The following CNTN5 variants were observed in gnomAD, a reference collection of about 807,000 sequenced individuals.
CNTN5 encodes contactin-5.
Under a neutral mutation model 129.1 loss-of-function variants are expected in CNTN5, and 77 were observed. That is an observed-to-expected ratio of 0.60 (90% confidence interval 0.50 to 0.72). The LOEUF (loss-of-function observed/expected upper bound fraction) is 0.72. Ranked by LOEUF, CNTN5 falls within the 30% of genes least tolerant of loss-of-function variation. The probability of loss-of-function intolerance (pLI) is 0.00; values close to 1 mark genes in which losing one functional copy is unlikely to be tolerated. For synonymous variants in CNTN5, 509 were observed against 465.6 expected, an observed-to-expected ratio of 1.09 and a Z score of -1.20; for missense variants, 1,478 against 1,328.8, an observed-to-expected ratio of 1.11 and a Z score of -1.75.
At chr11:99,064,218 C>G (rs1346653978) in intron 1 of CNTN5, among the ~76,000 whole-genome samples, 1 of 152,168 alleles carries the variant, frequency 6.6e-6, no homozygotes, top group Non-Finnish European at 1.5e-5. Context: ...TTTCACTCTT[C>G]TGTCAATATG....
intron 2 of CNTN5, among the ~76,000 whole-genome samples, chr11:99,483,388 A>C (rs1945681732): frequency 6.6e-6 from 1 of 151,938 alleles, no homozygotes; most frequent in South Asian, 2.1e-4. Flanking sequence ...TGTTTACTGG[A>C]GTTGTGCGCA....
At chr11:99,022,769 AATG>A (rs1367715320) in intron 1 of CNTN5, among the ~76,000 whole-genome samples, 2 of 152,172 alleles carry the variant, frequency 1.3e-5, no homozygotes, top group African/African-American at 2.4e-5. Flanking sequence ...AGTGTGAGGG[AATG>A]ATATTAAAGC....
intron 2 of CNTN5, among the ~76,000 whole-genome samples, chr11:99,350,701 A>G (rs1938236281): frequency 6.6e-6 from 1 of 152,142 alleles, no homozygotes; most frequent in Non-Finnish European, 1.5e-5. Context: ...AACCTCAGTT[A>G]AAAGAGTACA....
chr11:99,672,422 G>C (rs1953085302), intron 3 of CNTN5, among the ~76,000 whole-genome samples: 1 of 151,790 alleles, frequency 6.6e-6, no homozygotes, highest in African/African-American at 2.4e-5. Context: ...TGGAGTTCTG[G>C]TAGGCTTCTC....
chr11:100,286,439 T>TCCCTGAC (rs1950794462), intron 18 of CNTN5, among the ~76,000 whole-genome samples: 1 of 151,116 alleles, frequency 6.6e-6, no homozygotes, highest in Non-Finnish European at 1.5e-5. Context: ...CTCAAGTGGG[T>TCCCTGAC]CCCTGACCCC....
chr11:99,643,409 C>T (rs143535775), intron 3 of CNTN5, among the ~76,000 whole-genome samples: 293 of 152,170 alleles, frequency 1.9e-3, no homozygotes, highest in African/African-American at 6.1e-3. Flanking sequence ...CATTCTGTTT[C>T]GAGCATTTGT....
At chr11:99,598,714 A>C (rs1035829224) in intron 3 of CNTN5, among the ~76,000 whole-genome samples, 1 of 151,886 alleles carries the variant, frequency 6.6e-6, no homozygotes, top group Non-Finnish European at 1.5e-5. Context: ...GGGAAGCAGG[A>C]AAGGGCATAT....
intron 2 of CNTN5, among the ~76,000 whole-genome samples, chr11:99,543,553 A>G (rs1316902816): frequency 6.6e-6 from 1 of 152,194 alleles, no homozygotes; most frequent in East Asian, 1.9e-4. Context: ...AGTCAATCAC[A>G]ATGGTCTAAA....
chr11:100,195,009 G>A (rs923955749), intron 15 of CNTN5, among the ~76,000 whole-genome samples: 21 of 149,956 alleles, frequency 1.4e-4, no homozygotes, highest in African/African-American at 5.1e-4. Flanking sequence ...TATATGTAAA[G>A]TATTTAGAGT....
intron 7 of CNTN5, among the ~76,000 whole-genome samples, chr11:99,945,481 C>T (rs1950533408): frequency 1.2e-5 from 1 of 82,222 alleles, no homozygotes; most frequent in Non-Finnish European, 2.5e-5. Context: ...AAAAATAAAA[C>T]CTCTGTGCGT....
At chr11:99,645,004 T>C (rs995404534) in intron 3 of CNTN5, among the ~76,000 whole-genome samples, 2 of 151,644 alleles carry the variant, frequency 1.3e-5, no homozygotes, top group African/African-American at 4.8e-5. Context: ...TGGTGGCTTA[T>C]GCCTGTAATC....
intron 6 of CNTN5, among the ~76,000 whole-genome samples, chr11:99,852,950 T>C (rs766620386): frequency 6.6e-6 from 1 of 152,188 alleles, no homozygotes; most frequent in Non-Finnish European, 1.5e-5. Context: ...CTTAATTGTG[T>C]CAGGTTAACA....
At chr11:99,879,654 G>A (rs1948722193) in intron 6 of CNTN5, among the ~76,000 whole-genome samples, 1 of 152,128 alleles carries the variant, frequency 6.6e-6, no homozygotes. Context: ...TTAAAACACT[G>A]CTAGCTACCG....
intron 3 of CNTN5, among the ~76,000 whole-genome samples, chr11:99,781,634 T>G (rs183101803): frequency 6.6e-6 from 1 of 152,092 alleles, no homozygotes; most frequent in Non-Finnish European, 1.5e-5. Context: ...CCATAGCTCC[T>G]ACACCCAGCA....
At chr11:99,764,420 G>A (rs763989361) in intron 3 of CNTN5, among the ~76,000 whole-genome samples, 1 of 151,832 alleles carries the variant, frequency 6.6e-6, no homozygotes, top group Admixed American at 6.6e-5. Flanking sequence ...GTTTGTTTTT[G>A]TTTTTTGTTT....
intron 1 of CNTN5, among the ~76,000 whole-genome samples, chr11:99,054,954 G>C (rs1272372390): frequency 1.3e-5 from 2 of 151,862 alleles, no homozygotes; most frequent in Admixed American, 6.6e-5. Flanking sequence ...AAATTTTCTG[G>C]AATGTGAGTC....
At chr11:99,471,475 T>G (rs542689434) in intron 2 of CNTN5, among the ~76,000 whole-genome samples, 1 of 152,232 alleles carries the variant, frequency 6.6e-6, no homozygotes, top group African/African-American at 2.4e-5. Flanking sequence ...AAATTTGTCA[T>G]TCCATCAGTG....
chr11:99,651,272 C>A (rs1952146197), intron 3 of CNTN5, among the ~76,000 whole-genome samples: 1 of 152,008 alleles, frequency 6.6e-6, no homozygotes, highest in Non-Finnish European at 1.5e-5. Flanking sequence ...AACATAGTAT[C>A]TTAGATCATT....
intron 1 of CNTN5, among the ~76,000 whole-genome samples, chr11:99,284,423 G>A (rs150819697): frequency 2.0e-5 from 3 of 152,076 alleles, no homozygotes; most frequent in African/African-American, 7.2e-5. Context: ...ATAGTACCAG[G>A]TCTGTGGCTC....
Sources: gnomAD v4.1 joint callset for allele counts (sites outside exome capture counted in the v4.1 genomes callset) on GRCh38, gnomAD v4.1.1 for gene constraint, MANE v1.5 for transcripts, NCBI Gene and HGNC (gene_info 2026-07-23, HGNC 2026-07-21) for gene names.